The following NID2 variants were observed in gnomAD, a reference collection of about 807,000 sequenced individuals.
The protein encoded by NID2 is nidogen 2.
In NID2, 83 loss-of-function variants were observed where a neutral mutation model predicts 145.4. That is an observed-to-expected ratio of 0.57 (90% confidence interval 0.48 to 0.69). NID2 has a LOEUF of 0.69. Ranked by LOEUF, NID2 falls within the 30% of genes least tolerant of loss-of-function variation. The pLI, the probability that NID2 is intolerant of heterozygous loss-of-function variation, is 0.00. For missense variants in NID2, 1,807 were observed against 1,765.7 expected (o/e 1.02, Z -0.42); for synonymous variants, 739 against 701.3 (o/e 1.05, Z -0.85).
At chr14:52,011,499 A>C in intron 17 of NID2, 55 bp downstream of exon 17, 4 of 1,610,660 alleles carry the variant, frequency 2.5e-6, no homozygotes, top group African/African-American at 1.3e-5. Context: ...CGTAAAGTAG[A>C]CAAGTGACTT....
chr14:52,054,289 G>T lies in NID2; in HGVS notation c.800C>A (p.Ala267Asp), dbSNP rs1476578208. 1 of 1,614,052 alleles carries T rather than the reference G, an allele frequency of 6.2e-7. No individual in the cohort carries two copies. The highest frequency in any genetic ancestry group is 1.7e-5 in the Admixed American group (1 of 60,028). Residue 267 changes from alanine (A) to aspartate (D), a missense_variant, in exon 4 of 22, where the codon GCT (alanine) becomes GAT (aspartate). Physicochemically the swap from Ala to Asp is moderately radical, Grantham distance 126. Transcript: ENST00000216286. ...LSNLGIPGVW[A>D]FHIGSTSPLD... The stretch of plus-strand genomic sequence containing the variant: ...CGGGGAAGTGCTGCCGATATGGAAA[G>T]CCCACACTCCAGGGATCCCCAGGTT...
rs551891673 is a variant in NID2 at position 52,029,766 on chromosome 14, G to A, written c.2258-76C>T. On this transcript the variant is annotated intron_variant, in intron 9 of 21. Coordinates refer to ENST00000216286, the MANE Select transcript of NID2 (RefSeq NM_007361.4). ...ATGTCACGGAGATAGAGGAGTCCTC[G>A]GAACTGACTGCATGTCTGTGTTTTG... 3.4e-4 allele frequency: 423 copies of A among 1,231,074 alleles called. 1 individual carries two copies. Among genetic ancestry groups the A allele is most frequent in the African/African-American group, 1.1e-3 (77 of 68,054 alleles). 76.3% of individuals were successfully genotyped at this position (1,231,074 alleles called of 1,614,324 possible).
intron 5 of NID2, among the ~76,000 whole-genome samples, chr14:52,049,449 G>C (rs1566768837): frequency 9.2e-6 from 1 of 109,062 alleles, no homozygotes; most frequent in Non-Finnish European, 2.1e-5. Context: ...CCCTGGGCCA[G>C]ACACAGGGGA....
chr14:52,035,409 G>T (rs1365832283), intron 9 of NID2, among the ~76,000 whole-genome samples: 1 of 152,182 alleles, frequency 6.6e-6, no homozygotes, highest in South Asian at 2.1e-4. Context: ...AGAGCAACAT[G>T]CTTTTAAGTT....
intron 2 of NID2, among the ~76,000 whole-genome samples, chr14:52,060,959 AG>A (rs1462695809): frequency 1.3e-5 from 2 of 152,294 alleles, no homozygotes; most frequent in East Asian, 3.9e-4. Flanking sequence ...AAAAAGACAC[AG>A]GGGCTAACAG....
chr14:52,029,570 T>C lies in NID2; in HGVS notation c.2378A>G (p.Gln793Arg), dbSNP rs779872096. The C allele has an allele frequency of 3.1e-6, 5 of 1,613,628 alleles. No individual in the cohort carries two copies. In the Admixed American group the frequency reaches 8.3e-5, roughly 27 times the overall value. The change falls in exon 10 of 22, where the codon CAG (glutamine) becomes CGG (arginine). Residue 793 changes from glutamine (Q) to arginine (R), a missense_variant. Physicochemically the swap from Gln to Arg is conservative, Grantham distance 43. Coordinates refer to ENST00000216286, the MANE Select transcript of NID2 (RefSeq NM_007361.4). ...DYTCECASGY[Q>R]GDGRNCVDEN... ...ACCCACACAGTTCCGTCCATCTCCC[T>C]GGTACCCAGATGCGCACTCACAGGT...
chr14:52,047,812 G>A (rs370339732), intron 5 of NID2, among the ~76,000 whole-genome samples: 4 of 152,054 alleles, frequency 2.6e-5, no homozygotes, highest in African/African-American at 9.7e-5. Context: ...TTCACCAAGG[G>A]GTGAATAACA....
intron 15 of NID2, among the ~76,000 whole-genome samples, chr14:52,014,724 A>G (rs1891155659): frequency 6.6e-6 from 1 of 151,886 alleles, no homozygotes; most frequent in Non-Finnish European, 1.5e-5. Flanking sequence ...TTCAAGAGAA[A>G]AAAAAAACAG....
intron 3 of NID2, among the ~76,000 whole-genome samples, chr14:52,058,860 G>C (rs1311273714): frequency 6.6e-6 from 1 of 151,814 alleles, no homozygotes; most frequent in African/African-American, 2.4e-5. Flanking sequence ...AAATCTATGA[G>C]CTCCCAAGTA....
At chr14:52,028,513 C>T (rs11844758) in intron 11 of NID2, 4 of 422,016 alleles carry the variant, frequency 9.5e-6, no homozygotes, top group East Asian at 4.5e-5. Context: ...TGAACTCAAG[C>T]GATCCACCTG....
At position 52,040,824 on chromosome 14, in the gene NID2, A is replaced by G. The variant is rs1892255100; in HGVS notation, c.1853T>C (p.Val618Ala). The G allele has an allele frequency of 6.2e-7, 1 of 1,614,172 alleles. No homozygotes were observed. Among genetic ancestry groups the G allele is most frequent in the African/African-American group, 1.3e-5 (1 of 75,034 alleles). Reference protein sequence around the residue: ...AGAAFTHDMEVTFYPGEETVR... With the variant: ...AGAAFTHDMEATFYPGEETVR... The stretch of plus-strand genomic sequence containing the variant: ...CGTCTCCTCTCCCGGGTAGAATGTA[A>G]CTTCCATGTCATGGGTAAAGGCAGC... The change falls in exon 8 of 22, where the codon GTT (valine) becomes GCT (alanine). Residue 618 changes from valine to alanine, a missense_variant. Physicochemically the swap from Val to Ala is moderately conservative, Grantham distance 64. Coordinates refer to ENST00000216286, the MANE Select transcript of NID2 (RefSeq NM_007361.4).
rs553029622 is a variant in NID2 at position 52,033,334 on chromosome 14, G to T, written c.2258-3644C>A. Among the ~76,000 whole-genome samples, 6 of 152,226 alleles carry T rather than the reference G, an allele frequency of 3.9e-5. No individual in the cohort carries two copies. The South Asian group carries it at 1.2e-3, about 32-fold the overall frequency. The stretch of plus-strand genomic sequence containing the variant: ...CCAGAGCCTCCTCAACTCGCCAAAA[G>T]GACCCGTGAAGTGGAAGGACAGGAA... On this transcript the variant is annotated intron_variant, in intron 9 of 21. Coordinates refer to ENST00000216286, the MANE Select transcript of NID2 (RefSeq NM_007361.4).
chr14:52,013,743 A>C (rs1005307719), intron 16 of NID2, among the ~76,000 whole-genome samples: 5 of 151,812 alleles, frequency 3.3e-5, no homozygotes, highest in Non-Finnish European at 7.4e-5. Context: ...AGCATCACAC[A>C]CTCCTCAAGT....
At chr14:52,056,164 A>G (rs1892838622) in intron 3 of NID2, among the ~76,000 whole-genome samples, 1 of 152,222 alleles carries the variant, frequency 6.6e-6, no homozygotes, top group African/African-American at 2.4e-5. Context: ...TATTGAGTTT[A>G]TTATCACATT....
At chr14:52,030,800 A>G (rs1282568683) in intron 9 of NID2, among the ~76,000 whole-genome samples, 1 of 152,178 alleles carries the variant, frequency 6.6e-6, no homozygotes, top group Non-Finnish European at 1.5e-5. Context: ...GCAGTGAGCC[A>G]TGATTGTGCC....
intron 3 of NID2, among the ~76,000 whole-genome samples, chr14:52,056,912 G>A (rs1383567892): frequency 2.0e-5 from 3 of 152,138 alleles, no homozygotes; most frequent in Non-Finnish European, 4.4e-5. Flanking sequence ...GTGTGAATTC[G>A]TATTTAAATT....
chr14:52,061,187 G>C (rs529255382), intron 2 of NID2, among the ~76,000 whole-genome samples: 1 of 152,142 alleles, frequency 6.6e-6, no homozygotes, highest in East Asian at 1.9e-4. Flanking sequence ...CACTTTGTTC[G>C]TGGTTCCCTG....
chr14:52,047,142 T>A (rs1183953295), intron 5 of NID2, among the ~76,000 whole-genome samples: 4 of 152,166 alleles, frequency 2.6e-5, no homozygotes, highest in Non-Finnish European at 5.9e-5. Flanking sequence ...GAGACAAAAA[T>A]TCACATCCTG....
chr14:52,005,933 T>C, intron 20 of NID2, 84 bp from the exon 21 acceptor site: 2 of 1,022,442 alleles, frequency 2.0e-6, no homozygotes, highest in East Asian at 4.8e-5. Context: ...TCAGTTGCAA[T>C]AGAGGAAAAT....
Sources: gnomAD v4.1 joint callset for allele counts (sites outside exome capture counted in the v4.1 genomes callset) on GRCh38, gnomAD v4.1.1 for gene constraint, MANE v1.5 for transcripts, NCBI Gene and HGNC (gene_info 2026-07-23, HGNC 2026-07-21) for gene names.